PRDM5: variants seen among roughly 807,000 people sequenced by gnomAD.
PRDM5 encodes the protein PR domain zinc finger protein 5.
In PRDM5, 56 loss-of-function variants were observed where a neutral mutation model predicts 81.2. The observed-to-expected ratio is 0.69, with a 90% CI of 0.56 to 0.86. PRDM5 has a LOEUF of 0.86. PRDM5 is among the 40% of genes least tolerant of loss of function. The pLI is 0.00. For missense variants in PRDM5, 697 were observed against 770.1 expected (o/e 0.91, Z 1.12); for synonymous variants, 267 against 256.4 (o/e 1.04, Z -0.39).
chr4:120,882,233 C>T (rs371247415), intron 2 of PRDM5, among the ~76,000 whole-genome samples: 10 of 152,288 alleles, frequency 6.6e-5, no homozygotes, highest in African/African-American at 1.9e-4. Flanking sequence ...TTGCAACCTC[C>T]GCCTCCCGGG....
chr4:120,844,894 G>A (rs1408236299), intron 3 of PRDM5, among the ~76,000 whole-genome samples: 4 of 152,244 alleles, frequency 2.6e-5, no homozygotes, highest in Non-Finnish European at 4.4e-5. Flanking sequence ...CTACTCCAGT[G>A]AACACACAAA....
At chr4:120,687,745 CTTATGAGTG>C (rs1466920735), downstream of PRDM5, among the ~76,000 whole-genome samples, 3 of 152,092 alleles carry the variant, frequency 2.0e-5, no homozygotes, top group South Asian at 6.2e-4. Flanking sequence ...GCGCTCTGCC[CTTATGAGTG>C]AATTAATGCC....
intron 2 of PRDM5, among the ~76,000 whole-genome samples, chr4:120,856,570 C>T (rs769500857): frequency 1.7e-4 from 26 of 148,916 alleles, no homozygotes; most frequent in Non-Finnish European, 3.6e-4. Context: ...TATCTCACTA[C>T]CCTAAACACA....
At chr4:120,808,099 G>A (rs936407457) in intron 8 of PRDM5, among the ~76,000 whole-genome samples, 1 of 152,114 alleles carries the variant, frequency 6.6e-6, no homozygotes, top group African/African-American at 2.4e-5. Context: ...AAGACTTATT[G>A]CAAAGAGCAA....
intron 2 of PRDM5, among the ~76,000 whole-genome samples, chr4:120,890,371 CA>C: frequency 6.6e-6 from 1 of 152,282 alleles, no homozygotes; most frequent in East Asian, 1.9e-4. Context: ...AAACTCACCC[CA>C]TGATCCAATC....
intron 14 of PRDM5, among the ~76,000 whole-genome samples, chr4:120,721,196 G>C (rs1738547789): frequency 6.6e-6 from 1 of 152,154 alleles, no homozygotes; most frequent in Non-Finnish European, 1.5e-5. Flanking sequence ...ACTCAAACTA[G>C]TCCATTTGGA....
chr4:120,876,138 A>C (rs753166669), intron 2 of PRDM5, among the ~76,000 whole-genome samples: 1 of 152,184 alleles, frequency 6.6e-6, no homozygotes, highest in Admixed American at 6.5e-5. Flanking sequence ...AATGCACAAA[A>C]CACTCACACC....
At chr4:120,870,896 C>T (rs1201300732) in intron 2 of PRDM5, among the ~76,000 whole-genome samples, 1 of 152,140 alleles carries the variant, frequency 6.6e-6, no homozygotes, top group East Asian at 1.9e-4. Context: ...CAAGAATGAC[C>T]ACCTACTATA....
At chr4:120,880,209 A>G (rs576179989) in intron 2 of PRDM5, among the ~76,000 whole-genome samples, 1 of 152,282 alleles carries the variant, frequency 6.6e-6, no homozygotes, top group Non-Finnish European at 1.5e-5. Context: ...TCACACACAA[A>G]TAATTAAACT....
At chr4:120,787,291 C>A (rs1749897174) in intron 10 of PRDM5, among the ~76,000 whole-genome samples, 1 of 151,970 alleles carries the variant, frequency 6.6e-6, no homozygotes, top group Non-Finnish European at 1.5e-5. Flanking sequence ...GTGAAATGGG[C>A]AGAGAAGTGG....
chr4:120,699,161 AAT>A (rs70948358), intron 15 of PRDM5, among the ~76,000 whole-genome samples: 827 of 73,154 alleles, frequency 0.011, 9 homozygotes, highest in African/African-American at 0.03. Context: ...AGGAAATATA[AAT>A]ATATATATAT....
chr4:120,868,955 T>C (rs1761495874), intron 2 of PRDM5, among the ~76,000 whole-genome samples: 1 of 152,214 alleles, frequency 6.6e-6, no homozygotes. Context: ...AACTTGCAAG[T>C]CCTGGGCAAT....
intron 14 of PRDM5, among the ~76,000 whole-genome samples, chr4:120,746,045 A>G (rs1296194441): frequency 6.9e-6 from 1 of 145,304 alleles, no homozygotes; most frequent in Non-Finnish European, 1.5e-5. Flanking sequence ...CTACAAGGCT[A>G]CAGTAACCAA....
chr4:120,897,849 T>C (rs568583711), intron 2 of PRDM5, among the ~76,000 whole-genome samples: 1 of 152,328 alleles, frequency 6.6e-6, no homozygotes, highest in East Asian at 1.9e-4. Context: ...TGTCTCATCT[T>C]TTCTTCCATG....
chr4:120,695,023 G>A lies in PRDM5; in HGVS notation c.*88C>T, dbSNP rs574626426. ...CTATGAGACCAGTAAGTCACTTTTG[G>A]CTACTTCTGTTATGCTGATCAGGTG... is the stretch of plus-strand genomic sequence containing the variant. On this transcript the variant is annotated 3_prime_UTR_variant, in exon 16 of 16. Transcript: ENST00000264808. 11 of 1,465,184 alleles carry A rather than the reference G, an allele frequency of 7.5e-6. No individual in the cohort carries two copies. The South Asian group carries it at 1.3e-4, about 17-fold the overall frequency. The allele number at this position is 1,465,184 out of a possible 1,614,324, so 90.8% of individuals were successfully genotyped here.
chr4:120,733,884 C>T (rs1457019784), intron 14 of PRDM5, among the ~76,000 whole-genome samples: 1 of 118,286 alleles, frequency 8.5e-6, no homozygotes, highest in East Asian at 2.5e-4. Context: ...AAAACAATGA[C>T]ACAAAAGTAA....
chr4:120,803,971 G>A (rs1194606467), intron 8 of PRDM5, among the ~76,000 whole-genome samples: 2 of 152,142 alleles, frequency 1.3e-5, no homozygotes, highest in African/African-American at 4.8e-5. Flanking sequence ...CTCACGTGCA[G>A]AGTCACAAAT....
chr4:120,785,001 T>G lies in PRDM5; in HGVS notation c.1279A>C (p.Asn427His), dbSNP rs1190861436. The change falls in exon 11 of 16, where the codon AAC becomes CAC. Residue 427 changes from asparagine to histidine, a missense_variant. Transcript: ENST00000264808. The stretch of plus-strand genomic sequence containing the variant: ...AACTGCCTGAATCGTGACTTACTGT[T>G]ATGTATTAGCAGGTGTCTCTGTAAA... ...FSLQRHLLIHNSERTFKCHHC... is the reference protein window; with the variant it reads ...FSLQRHLLIHHSERTFKCHHC... 6.3e-7 allele frequency: 1 copy of G among 1,589,052 alleles called. No individual in the cohort carries two copies. The highest frequency in any genetic ancestry group is 8.6e-7 in the Non-Finnish European group (1 of 1,157,402).
Position 120,798,137 on chromosome 4 carries a change from T to G in PRDM5, c.1188+130A>C, listed in dbSNP as rs112075644. 27 of 602,118 alleles carry G rather than the reference T, an allele frequency of 4.5e-5. No individual in the cohort carries two copies. The East Asian group carries it at 7.8e-4, about 17-fold the overall frequency. 37.3% of individuals were successfully genotyped at this position (602,118 alleles called of 1,614,324 possible). On this transcript the variant is annotated intron_variant, in intron 10 of 15. Coordinates refer to ENST00000264808, the MANE Select transcript of PRDM5 (RefSeq NM_018699.4). Reference sequence around the variant, plus strand: ...AGGCTGTGAGGGGTTATGGCCCAGGTGAGTGATCTTCTCTAGTTGTTGCAT... The same window carrying G: ...AGGCTGTGAGGGGTTATGGCCCAGGGGAGTGATCTTCTCTAGTTGTTGCAT...
Sources: gnomAD v4.1 joint callset for allele counts (sites outside exome capture counted in the v4.1 genomes callset) on GRCh38, gnomAD v4.1.1 for gene constraint, MANE v1.5 for transcripts, NCBI Gene and HGNC (gene_info 2026-07-23, HGNC 2026-07-21) for gene names.